Variants in RELN observed in about 807,000 individuals in gnomAD.
RELN encodes reelin.
In RELN, 108 loss-of-function variants were observed where a neutral mutation model predicts 427.6. That is an observed-to-expected ratio of 0.25 (90% confidence interval 0.22 to 0.30). The LOEUF is 0.30. Among genes scored for constraint, RELN ranks in the 10% least tolerant of loss-of-function variants. RELN has a pLI of 1.00. For missense variants in RELN, 3,715 were observed against 4,302.8 expected (o/e 0.86, Z 3.82); for synonymous variants, 1,524 against 1,513.4 (o/e 1.01, Z -0.16).
intron 2 of RELN, among the ~76,000 whole-genome samples, chr7:103,877,883 G>T (rs1448288201): frequency 7.4e-6 from 1 of 135,418 alleles, no homozygotes; most frequent in Admixed American, 7.9e-5. Context: ...TTTTGAAAGG[G>T]TCTTGCTCTG....
chr7:103,701,569 A>C (rs1196927335), intron 8 of RELN, among the ~76,000 whole-genome samples: 1 of 152,200 alleles, frequency 6.6e-6, no homozygotes, highest in Non-Finnish European at 1.5e-5. Flanking sequence ...TTTAAAATAT[A>C]GATTATATCC....
At chr7:103,756,878 G>A (rs28517664) in intron 4 of RELN, among the ~76,000 whole-genome samples, 2,106 of 152,222 alleles carry the variant, frequency 0.014, 54 homozygotes, top group African/African-American at 0.048. Flanking sequence ...TCCTGAAAAA[G>A]ATTCACGCAT....
In RELN at chr7:103,708,464, C is replaced by T. The variant is rs1316315668; in HGVS notation, c.806-7458G>A. Among the ~76,000 whole-genome samples, 42 of 110,018 alleles carry T rather than the reference C, an allele frequency of 3.8e-4. No individual in the cohort carries two copies. The East Asian group carries it at 8.1e-3, about 21-fold the overall frequency. 72.2% of individuals were successfully genotyped at this position (110,018 alleles called of 152,430 possible). A position where few individuals can be genotyped will look rare whatever the true frequency, so the allele number is the denominator to read the frequency against. The stretch of plus-strand genomic sequence containing the variant: ...CACCCAAACACCAGTGGGTATGACT[C>T]TTTTTTTTTTTTTTTTTGAGACGGA... On this transcript the variant is annotated intron_variant, in intron 8 of 64. Coordinates refer to ENST00000428762, the MANE Select transcript of RELN (RefSeq NM_005045.4).
At chr7:103,655,135 T>C (rs1832999714) in intron 12 of RELN, among the ~76,000 whole-genome samples, 5 of 152,014 alleles carry the variant, frequency 3.3e-5, no homozygotes, top group Admixed American at 3.3e-4. Context: ...CTTGCTACTG[T>C]TTGCTTCTAT....
In RELN at chr7:103,650,349, C is replaced by T. The variant is rs1402514058; in HGVS notation, c.1927G>A (p.Ala643Thr). ...CGAATCCTGGTGTTCCGGGTTAGTG[C>T]TGCGTTAGGAAGGGGAATTGTTATT... ...NRITIPLPNA[A>T]LTRNTRIRWR... Residue 643 changes from alanine (A) to threonine (T), a missense_variant, in exon 16 of 65, where the codon GCA (alanine) becomes ACA (threonine). By Grantham distance (58) the Ala-to-Thr change is moderately conservative. Coordinates refer to ENST00000428762, the MANE Select transcript of RELN (RefSeq NM_005045.4). The T allele has an allele frequency of 1.2e-6, 2 of 1,612,762 alleles. No homozygotes were observed. Among genetic ancestry groups the T allele is most frequent in the African/African-American group, 1.3e-5 (1 of 74,838 alleles).
chr7:103,596,402 T>A (rs1831537352), intron 25 of RELN, 54 bp downstream of exon 25: 3 of 1,470,240 alleles, frequency 2.0e-6, no homozygotes, highest in Non-Finnish European at 9.5e-7. Context: ...CAACAATGAT[T>A]TAACCTTTAC....
chr7:103,651,936 TTC>T, intron 14 of RELN, 147 bp from the exon 15 acceptor site: 2 of 829,476 alleles, frequency 2.4e-6, no homozygotes, highest in Non-Finnish European at 3.9e-6. Context: ...AATGATTGTT[TTC>T]TCTTTCACTA....
At position 103,515,530 on chromosome 7, in the gene RELN, A is replaced by C. The variant is rs2528863; in HGVS notation, c.7863-89T>G. ...AAGATTTACAACCAGCCATAAGATAATGTATGTCACATGGTGGGTGAGGGA... is the reference window on the plus strand; with the variant it reads ...AAGATTTACAACCAGCCATAAGATACTGTATGTCACATGGTGGGTGAGGGA... On this transcript the variant is annotated intron_variant, in intron 49 of 64. Coordinates refer to ENST00000428762, the MANE Select transcript of RELN (RefSeq NM_005045.4). The C allele has an allele frequency of 0.41, 623,100 of 1,529,346 alleles. 143,664 individuals are homozygous for C. Among genetic ancestry groups the C allele is most frequent in the African/African-American group, 0.88 (64,140 of 73,218 alleles). The allele number at this position is 1,529,346 out of a possible 1,614,324, so 94.7% of individuals were successfully genotyped here.
intron 10 of RELN, among the ~76,000 whole-genome samples, chr7:103,686,582 CAG>C (rs902230675): frequency 6.6e-5 from 10 of 152,044 alleles, no homozygotes; most frequent in African/African-American, 9.6e-5. Flanking sequence ...GCATTGTTGG[CAG>C]AGTCATAAAT....
intron 1 of RELN, among the ~76,000 whole-genome samples, chr7:103,980,766 C>T (rs1181031972): frequency 2.0e-5 from 3 of 152,172 alleles, no homozygotes; most frequent in Non-Finnish European, 2.9e-5. Flanking sequence ...TTGCTATTGT[C>T]ACTGTCATAA....
chr7:103,892,267 G>A (rs565216662), intron 2 of RELN, among the ~76,000 whole-genome samples: 2 of 152,260 alleles, frequency 1.3e-5, no homozygotes, highest in South Asian at 4.2e-4. Context: ...TGACTATGTG[G>A]AGCAAAGCCT....
intron 10 of RELN, among the ~76,000 whole-genome samples, chr7:103,684,845 C>T (rs951166760): frequency 7.9e-5 from 12 of 152,206 alleles, no homozygotes; most frequent in African/African-American, 2.9e-4. Flanking sequence ...CTATTATATT[C>T]CATATGCCTA....
chr7:103,887,246 C>A (rs1168445573), intron 2 of RELN, among the ~76,000 whole-genome samples: 1 of 152,168 alleles, frequency 6.6e-6, no homozygotes. Context: ...ATGATTTACA[C>A]CAATCTTGGT....
At chr7:103,981,770 T>C (rs1157750623) in intron 1 of RELN, among the ~76,000 whole-genome samples, 4 of 151,574 alleles carry the variant, frequency 2.6e-5, no homozygotes, top group African/African-American at 7.3e-5. Context: ...GGTCACAAGA[T>C]GGTTGTATCA....
In RELN at chr7:103,489,203, G is replaced by GGGGTGT. The variant is rs1554362015; in HGVS notation, c.9763+538_9763+539insACACCC. ...AATGTATTTCTTTGAGTCATAAAGG[G>GGGGTGT]GTGTGTGTGTGTGTGTGTGTGTGTG... On this transcript the variant is annotated intron_variant, in intron 60 of 64. Coordinates refer to ENST00000428762, the MANE Select transcript of RELN (RefSeq NM_005045.4). Among the ~76,000 whole-genome samples the GGGGTGT allele has an allele frequency of 2.0e-5, 3 of 147,868 alleles. No homozygotes were observed. In the East Asian group the frequency reaches 6.0e-4, roughly 30 times the overall value.
At chr7:103,809,935 A>G (rs890151397) in intron 3 of RELN, among the ~76,000 whole-genome samples, 1 of 152,204 alleles carries the variant, frequency 6.6e-6, no homozygotes, top group Non-Finnish European at 1.5e-5. Flanking sequence ...GGTGAGACTC[A>G]TATTTTTTAA....
intron 1 of RELN, among the ~76,000 whole-genome samples, chr7:103,971,737 A>G (rs966244970): frequency 6.6e-6 from 1 of 152,208 alleles, no homozygotes; most frequent in African/African-American, 2.4e-5. Context: ...GGATACTGTG[A>G]AAGTATTTGA....
intron 1 of RELN, among the ~76,000 whole-genome samples, chr7:103,940,644 T>C (rs1425752325): frequency 6.6e-6 from 1 of 152,170 alleles, no homozygotes; most frequent in Non-Finnish European, 1.5e-5. Context: ...TGGGAGCACC[T>C]TGAGGCATAA....
At chr7:103,639,237 C>G (rs1832646876) in intron 17 of RELN, among the ~76,000 whole-genome samples, 1 of 152,074 alleles carries the variant, frequency 6.6e-6, no homozygotes, top group South Asian at 2.1e-4. Context: ...TAGATGGAAG[C>G]TTTTCAATTC....
Sources: allele counts gnomAD v4.1 joint callset (sites outside exome capture counted in the v4.1 genomes callset), GRCh38; gene constraint gnomAD v4.1.1; transcripts MANE v1.5; gene names NCBI Gene and HGNC (gene_info 2026-07-23, HGNC 2026-07-21).